Variants in COL24A1 observed in about 807,000 individuals in gnomAD.
COL24A1 encodes collagen alpha-1(XXIV) chain.
Under a neutral mutation model 253.9 loss-of-function variants are expected in COL24A1, and 224 were observed. The ratio of observed to expected loss-of-function variants is 0.88; its 90% CI spans 0.79 to 0.99. COL24A1 has a LOEUF of 0.99. Among genes scored for constraint, COL24A1 ranks in the 50% least tolerant of loss-of-function variants. The pLI, the probability that COL24A1 is intolerant of heterozygous loss-of-function variation, is 0.00. For missense variants in COL24A1, 2,131 were observed against 2,068.5 expected, an observed-to-expected ratio of 1.03 and a Z score of -0.59; for synonymous variants, 685 against 673.7, an observed-to-expected ratio of 1.02 and a Z score of -0.26.
At chr1:85,838,508 A>G (rs1676256836) in intron 43 of COL24A1, 77 bp downstream of exon 43, 9 of 1,295,774 alleles carry the variant, frequency 6.9e-6, no homozygotes, top group Non-Finnish European at 1.0e-5. Context: ...TATCTCAATA[A>G]TGGAATGGAA....
At chr1:85,960,282 C>T (rs35826410) in intron 24 of COL24A1, among the ~76,000 whole-genome samples, 30,467 of 151,962 alleles carry the variant, frequency 0.2, 3,436 homozygotes, top group Non-Finnish European at 0.24. Context: ...ACTCTGTAAA[C>T]GAATTCACTT....
intron 4 of COL24A1, among the ~76,000 whole-genome samples, 165 bp downstream of exon 4, chr1:86,115,160 A>G (rs953622992): frequency 1.3e-5 from 2 of 152,256 alleles, no homozygotes; most frequent in Non-Finnish European, 2.9e-5. Context: ...AAAATAAACT[A>G]GGCTGCATGT....
At chr1:86,025,721 C>T (rs1370513222) in intron 14 of COL24A1, among the ~76,000 whole-genome samples, 1 of 152,082 alleles carries the variant, frequency 6.6e-6, no homozygotes, top group Non-Finnish European at 1.5e-5. Context: ...ACTTTCAAAA[C>T]CTCAATTCCT....
chr1:86,115,190 A>C, intron 4 of COL24A1, 135 bp downstream of exon 4: 2 of 739,618 alleles, frequency 2.7e-6, no homozygotes, highest in Non-Finnish European at 4.3e-6. Context: ...CTTCTCTTGA[A>C]TTGGCTAAGG....
In COL24A1 at chr1:86,031,923, C is replaced by G. The variant is rs1698604704; in HGVS notation, c.2005-1G>C. The G allele has an allele frequency of 6.2e-6, 10 of 1,607,716 alleles. No homozygotes were observed. The highest frequency in any genetic ancestry group is 8.5e-6 in the Non-Finnish European group (10 of 1,176,910). On this transcript the variant is annotated splice_acceptor_variant, in intron 13 of 59. Coordinates refer to ENST00000370571, the MANE Select transcript of COL24A1 (RefSeq NM_152890.7). LOFTEE classifies it high-confidence loss of function. ...GAGGACCAGTGCCACCTACAAGTCC[C>G]TATTGTAAAAGAAATTTGCAATACT...
intron 50 of COL24A1, 133 bp downstream of exon 50, chr1:85,783,980 A>C (rs1219162254): frequency 3.3e-6 from 2 of 603,490 alleles, no homozygotes; most frequent in African/African-American, 3.8e-5. Flanking sequence ...GATGTATTCG[A>C]AACTCAAATA....
At chr1:85,834,674 A>T (rs1188478331) in intron 43 of COL24A1, among the ~76,000 whole-genome samples, 1 of 152,168 alleles carries the variant, frequency 6.6e-6, no homozygotes, top group Non-Finnish European at 1.5e-5. Flanking sequence ...CTGGGACTTC[A>T]TCTCTCCTAA....
rs1449124949 is a variant in COL24A1 at position 85,857,577 on chromosome 1, A to G, written c.3301-8171T>C. On this transcript the variant is annotated intron_variant, in intron 37 of 59. Coordinates refer to ENST00000370571, the MANE Select transcript of COL24A1 (RefSeq NM_152890.7). ...GAGGGAAGATTACCCTGTCCCAATT[A>G]GCACAAATAACACCTGCATCAATAT... Among the ~76,000 whole-genome samples, 4 of 152,208 alleles carry G rather than the reference A, an allele frequency of 2.6e-5. No homozygotes were observed. The East Asian group carries it at 7.7e-4, about 29-fold the overall frequency.
chr1:85,732,137 G>A (rs1663543331), intron 59 of COL24A1, among the ~76,000 whole-genome samples: 1 of 152,174 alleles, frequency 6.6e-6, no homozygotes, highest in Admixed American at 6.5e-5. Flanking sequence ...TCACAGGCTT[G>A]CGAGGATTAA....
intron 3 of COL24A1, among the ~76,000 whole-genome samples, chr1:86,121,907 A>C (rs1394383256): frequency 1.3e-5 from 2 of 152,122 alleles, no homozygotes; most frequent in African/African-American, 2.4e-5. Context: ...TAATAGGTTT[A>C]AAGAACTTCA....
In COL24A1 at chr1:85,743,862, C is replaced by T. The variant is rs17128173; in HGVS notation, c.4672+804G>A. On this transcript the variant is annotated intron_variant, in intron 57 of 59. Transcript: ENST00000370571. ...GAATGTTTTCATTGAAGTTCTAGAA[C>T]GGAAGCAGATGTTTTGGACATGTGT... is the stretch of plus-strand genomic sequence containing the variant. Among the ~76,000 whole-genome samples the T allele has an allele frequency of 9.3e-3, 1,422 of 152,088 alleles. 54 individuals carry two copies. Among genetic ancestry groups the T allele is most frequent in the Admixed American group, 0.062 (952 of 15,268 alleles).
At chr1:86,038,430 A>G (rs1699199058) in intron 12 of COL24A1, among the ~76,000 whole-genome samples, 1 of 152,124 alleles carries the variant, frequency 6.6e-6, no homozygotes, top group African/African-American at 2.4e-5. Context: ...CAGCAATGGT[A>G]CCACTTAAAA....
At chr1:85,970,976 A>G (rs4584420) in intron 21 of COL24A1, among the ~76,000 whole-genome samples, 59,208 of 152,048 alleles carry the variant, frequency 0.39, 11,789 homozygotes, top group Admixed American at 0.49. Context: ...ACTCTGGGAC[A>G]TTTAGGTGGG....
At chr1:86,054,972 C>A (rs1184559647) in intron 10 of COL24A1, among the ~76,000 whole-genome samples, 1 of 152,006 alleles carries the variant, frequency 6.6e-6, no homozygotes, top group East Asian at 1.9e-4. Flanking sequence ...TAAAAATGAA[C>A]AAAATCCTAT....
chr1:85,959,389 T>A (rs1313068593), intron 24 of COL24A1, among the ~76,000 whole-genome samples: 1 of 152,108 alleles, frequency 6.6e-6, no homozygotes, highest in African/African-American at 2.4e-5. Context: ...AAAGACTCTC[T>A]ACAACATTTA....
At position 85,775,691 on chromosome 1, in the gene COL24A1, C is replaced by T. The variant is rs766320753; in HGVS notation, c.4357G>A (p.Gly1453Ser). The change falls in exon 53 of 60, where the codon GGC becomes AGC. Residue 1453 changes from glycine (G) to serine (S), a missense_variant. Physicochemically the swap from Gly to Ser is moderately conservative, Grantham distance 56 (BLOSUM62 0). Coordinates refer to ENST00000370571, the MANE Select transcript of COL24A1 (RefSeq NM_152890.7). ...TGRTGPRGEK[G>S]FRGETGPQGP... ...AAACTTACAGTTTCACCTCTAAAGC[C>T]CTTTTCACCTCTGGGTCCCTAAAAG... 5 of 1,607,136 alleles carry T rather than the reference C, an allele frequency of 3.1e-6. No individual in the cohort carries two copies. The South Asian group carries it at 3.4e-5, about 11-fold the overall frequency.
intron 22 of COL24A1, among the ~76,000 whole-genome samples, 156 bp downstream of exon 22, chr1:85,970,071 G>T (rs1385868091): frequency 6.6e-6 from 1 of 152,080 alleles, no homozygotes; most frequent in Admixed American, 6.6e-5. Context: ...GGGACTTCCA[G>T]TTATTGGCCT....
At chr1:86,103,786 C>A (rs1704684106) in intron 5 of COL24A1, among the ~76,000 whole-genome samples, 1 of 152,178 alleles carries the variant, frequency 6.6e-6, no homozygotes. Flanking sequence ...TCTGGGTGAC[C>A]TGACCTTTCT....
At chr1:86,037,044 T>G (rs761764961) in intron 12 of COL24A1, among the ~76,000 whole-genome samples, 1 of 152,208 alleles carries the variant, frequency 6.6e-6, no homozygotes, top group Non-Finnish European at 1.5e-5. Context: ...GTCACATTGT[T>G]GCTTCTGTGT....
Sources: allele counts gnomAD v4.1 joint callset (sites outside exome capture counted in the v4.1 genomes callset), GRCh38; gene constraint gnomAD v4.1.1; transcripts MANE v1.5; gene names NCBI Gene and HGNC (gene_info 2026-07-23, HGNC 2026-07-21).